Variants in FREM1 observed in about 807,000 individuals in gnomAD.
The protein encoded by FREM1 is FRAS1-related extracellular matrix protein 1.
Under a neutral mutation model 210.1 loss-of-function variants are expected in FREM1, and 220 were observed. The observed-to-expected ratio is 1.05, with a 90% CI of 0.94 to 1.17. The LOEUF is 1.17. FREM1 is among the 50% of genes most tolerant of loss of function. The probability of loss-of-function intolerance (pLI) is 0.00; values close to 1 mark genes in which losing one functional copy is unlikely to be tolerated. For synonymous variants in FREM1, 1,189 were observed against 980.2 expected, an observed-to-expected ratio of 1.21 and a Z score of -3.98; for missense variants, 3,454 against 2,675.5, an observed-to-expected ratio of 1.29 and a Z score of -6.42.
chr9:14,759,832 C>G lies in FREM1; in HGVS notation c.5274G>C (p.Leu1758Phe), dbSNP rs778385729. The change falls in exon 28 of 37, where the codon TTG (leucine) becomes TTC (phenylalanine). Residue 1758 changes from leucine to phenylalanine, a missense_variant. Transcript: ENST00000380880. ...CCCTTCTGATAATTTCCAAGGGCAA[C>G]AAACCCACATTCTCACAGACTTCAT... The part of the protein sequence containing the change: ...TEYEVCENVG[L>F]LPLEIIRRGY... 6.2e-7 allele frequency: 1 copy of G among 1,612,712 alleles called. No individual in the cohort carries two copies. The highest frequency in any genetic ancestry group is 1.3e-5 in the African/African-American group (1 of 74,884).
chr9:14,882,882 C>CGT (rs1276087569), intron 1 of FREM1, among the ~76,000 whole-genome samples: 1 of 116,052 alleles, frequency 8.6e-6, no homozygotes, highest in Non-Finnish European at 1.6e-5. Context: ...CACTGCACTC[C>CGT]AGCCAGGGCA....
chr9:14,754,600 T>C (rs530794462), intron 29 of FREM1, among the ~76,000 whole-genome samples: 86 of 152,202 alleles, frequency 5.7e-4, no homozygotes, highest in African/African-American at 2.0e-3. Context: ...CATACTGGAA[T>C]AAGGTGGGCT....
chr9:14,787,958 A>G (rs890683231), intron 23 of FREM1, among the ~76,000 whole-genome samples: 2 of 152,228 alleles, frequency 1.3e-5, no homozygotes, highest in Admixed American at 6.5e-5. Context: ...ACACAGCTCA[A>G]TGTAAACATC....
chr9:14,891,061 C>T (rs112349364), intron 1 of FREM1, among the ~76,000 whole-genome samples: 4 of 152,348 alleles, frequency 2.6e-5, no homozygotes, highest in African/African-American at 9.6e-5. Flanking sequence ...CCAAAACTCA[C>T]ACCTAGGGCC....
At chr9:14,842,883 A>G (rs1317209131) in intron 8 of FREM1, among the ~76,000 whole-genome samples, 1 of 152,202 alleles carries the variant, frequency 6.6e-6, no homozygotes, top group East Asian at 1.9e-4. Flanking sequence ...AAGGTATTTA[A>G]TTTATGAAAC....
chr9:14,887,890 T>C (rs1223006101), intron 1 of FREM1, among the ~76,000 whole-genome samples: 1 of 152,138 alleles, frequency 6.6e-6, no homozygotes, highest in East Asian at 1.9e-4. Context: ...CTCCACCTCC[T>C]AGATTTAAGG....
intron 3 of FREM1, among the ~76,000 whole-genome samples, chr9:14,860,836 TATATATAC>T (rs1829980674): frequency 2.6e-5 from 3 of 113,378 alleles, no homozygotes; most frequent in African/African-American, 8.5e-5. Context: ...CATATATACG[TATATATAC>T]ATATATACGT....
intron 8 of FREM1, among the ~76,000 whole-genome samples, chr9:14,844,785 T>C (rs1826293179): frequency 6.6e-6 from 1 of 152,210 alleles, no homozygotes; most frequent in Admixed American, 6.5e-5. Context: ...GAAATTGTTG[T>C]ATTGTGCTCC....
chr9:14,806,601 C>T (rs1818415031), intron 18 of FREM1, 60 bp downstream of exon 18: 2 of 978,976 alleles, frequency 2.0e-6, no homozygotes, highest in East Asian at 5.1e-5. Flanking sequence ...CATGACCTGG[C>T]CAATCGCTTC....
intron 28 of FREM1, among the ~76,000 whole-genome samples, chr9:14,758,187 G>C (rs1844782250): frequency 6.6e-6 from 1 of 152,182 alleles, no homozygotes; most frequent in Non-Finnish European, 1.5e-5. Context: ...TGTGCTCAGG[G>C]TAGAGTTGTC....
Position 14,789,022 on chromosome 9 carries a change from T to A in FREM1, c.4074A>T (p.Ala1358=). 1 of 1,611,816 alleles carries A rather than the reference T, an allele frequency of 6.2e-7. No individual in the cohort carries two copies. The highest frequency in any genetic ancestry group is 1.1e-5 in the South Asian group (1 of 90,370). The change falls in exon 23 of 37, where the codon GCA becomes GCT. Residue 1358 remains alanine, a synonymous_variant. Coordinates refer to ENST00000380880, the MANE Select transcript of FREM1 (RefSeq NM_001379081.2). ...AGCTATCTTGATTCTGGGAATCCAT[T>A]GCCCCGGTGTGTGTGTATCTCAGCA... is the stretch of plus-strand genomic sequence containing the variant. ...LNLLRYTHTG[A]MDSQNQDSFT...
intron 18 of FREM1, 30 bp from the exon 19 acceptor site, chr9:14,805,182 TAAAA>T (rs752430848): frequency 2.2e-4 from 297 of 1,356,456 alleles, no homozygotes; most frequent in Non-Finnish European, 2.8e-4. Context: ...AACAGATAAA[TAAAA>T]AAAAAATTTT....
At chr9:14,765,158 T>A (rs1421469560) in intron 27 of FREM1, among the ~76,000 whole-genome samples, 5 of 150,272 alleles carry the variant, frequency 3.3e-5, no homozygotes, top group African/African-American at 1.3e-4. Flanking sequence ...GTTAAAAAAA[T>A]ATTTTTTCAA....
chr9:14,843,290 C>G (rs1189622223), intron 8 of FREM1, among the ~76,000 whole-genome samples: 5 of 152,184 alleles, frequency 3.3e-5, no homozygotes, highest in African/African-American at 1.2e-4. Context: ...CCCTACCCCA[C>G]TCACCCCTCT....
At chr9:14,863,340 CAAA>C (rs547934749) in intron 3 of FREM1, among the ~76,000 whole-genome samples, 6 of 89,972 alleles carry the variant, frequency 6.7e-5, no homozygotes, top group African/African-American at 1.1e-4. Flanking sequence ...GACTCCGTCT[CAAA>C]AAAAAAAAAA....
At chr9:14,775,731 AT>A in intron 25 of FREM1, 57 bp downstream of exon 25, 2 of 435,392 alleles carry the variant, frequency 4.6e-6, no homozygotes, top group Admixed American at 4.5e-5. Context: ...AAAAAAAAAA[AT>A]TCTCGATGTC....
At chr9:14,780,432 A>AG (rs1006800435) in intron 24 of FREM1, among the ~76,000 whole-genome samples, 2 of 134,846 alleles carry the variant, frequency 1.5e-5, no homozygotes, top group South Asian at 4.9e-4. Flanking sequence ...CCAGCTCCTC[A>AG]GAAAAAAAAA....
intron 24 of FREM1, among the ~76,000 whole-genome samples, chr9:14,783,839 T>G (rs1849997077): frequency 6.6e-6 from 1 of 152,244 alleles, no homozygotes; most frequent in South Asian, 2.1e-4. Context: ...ATCTACTTTA[T>G]GACAACATGA....
At chr9:14,738,744 T>A (rs568933049) in intron 36 of FREM1, among the ~76,000 whole-genome samples, 1 of 152,130 alleles carries the variant, frequency 6.6e-6, no homozygotes, top group Non-Finnish European at 1.5e-5. Context: ...GTGCGGTGGC[T>A]CATGCCTGCA....
Sources: allele counts gnomAD v4.1 joint callset (sites outside exome capture counted in the v4.1 genomes callset), GRCh38; gene constraint gnomAD v4.1.1; transcripts MANE v1.5; gene names NCBI Gene and HGNC (gene_info 2026-07-23, HGNC 2026-07-21).